GRIA3: variants seen among roughly 807,000 people sequenced by gnomAD.
GRIA3 encodes glutamate ionotropic receptor AMPA type subunit 3.
A neutral mutation model predicts 63.0 loss-of-function variants in GRIA3; 3 were observed. That is an observed-to-expected ratio of 0.05 (90% CI 0.02 to 0.12). The LOEUF is 0.12. Ranked by LOEUF, GRIA3 falls within the 10% of genes least tolerant of loss-of-function variation. GRIA3 has a pLI of 1.00. For missense variants in GRIA3, 347 were observed against 700.9 expected, an observed-to-expected ratio of 0.50 and a Z score of 5.70; for synonymous variants, 274 against 257.9, an observed-to-expected ratio of 1.06 and a Z score of -0.60.
intron 2 of GRIA3, among the ~76,000 whole-genome samples, chrX:123,234,471 A>G (rs1175730856): frequency 8.9e-6 from 1 of 112,130 alleles, no homozygotes; most frequent in African/African-American, 3.2e-5. Context: ...GCAAAGTGAT[A>G]TGTAGAGGCA....
intron 3 of GRIA3, among the ~76,000 whole-genome samples, chrX:123,270,035 T>C (rs1033963830): frequency 9.8e-5 from 11 of 112,527 alleles, no homozygotes; most frequent in Non-Finnish European, 1.9e-4. Context: ...GCAAAAAGCA[T>C]ACGTATTTTC....
At chrX:123,425,037 T>C (rs754404577) in intron 11 of GRIA3, among the ~76,000 whole-genome samples, 7 of 111,932 alleles carry the variant, frequency 6.3e-5, no homozygotes, top group Admixed American at 2.9e-4. Context: ...AACCTCATCA[T>C]TCCAAATAAA....
chrX:123,442,627 G>C (rs2045681415), intron 12 of GRIA3, among the ~76,000 whole-genome samples: 1 of 111,567 alleles, frequency 9.0e-6, no homozygotes, highest in African/African-American at 3.3e-5. Context: ...TACTCGACCA[G>C]TGTTTTCCAA....
chrX:123,232,446 G>A (rs998583433), intron 2 of GRIA3, among the ~76,000 whole-genome samples: 1 of 111,693 alleles, frequency 9.0e-6, no homozygotes, highest in Admixed American at 9.5e-5. Context: ...GGGGATAAGG[G>A]AAGAGGGAAA....
intron 2 of GRIA3, among the ~76,000 whole-genome samples, chrX:123,192,499 C>A (rs1927463939): frequency 8.9e-6 from 1 of 111,758 alleles, no homozygotes; most frequent in Non-Finnish European, 1.9e-5. Flanking sequence ...TCCCTCCATC[C>A]TTCCCTTACC....
In GRIA3 at chrX:123,253,434, G is replaced by T. The variant is rs1297105927; in HGVS notation, c.400G>T (p.Asp134Tyr). 1 of 1,211,496 alleles carries T rather than the reference G, an allele frequency of 8.3e-7. No individual in the cohort carries two copies. Among genetic ancestry groups the T allele is most frequent in the Non-Finnish European group, 1.1e-6 (1 of 895,234 alleles). The change falls in exon 3 of 16, where the codon GAT becomes TAT. Residue 134 changes from aspartate to tyrosine, a missense_variant. By Grantham distance (160) the Asp-to-Tyr change is radical. Coordinates refer to ENST00000620443, the MANE Select transcript of GRIA3 (RefSeq NM_007325.5). ...FVTPSFPTDA[D>Y]VQFVIQMRPA... ...TACGCCTAGCTTCCCCACTGACGCA[G>T]ATGTGCAGTTTGTCATCCAGATGCG...
intron 2 of GRIA3, among the ~76,000 whole-genome samples, chrX:123,200,592 CACACACACACATACAT>C (rs1248306751): frequency 1.3e-4 from 11 of 85,480 alleles, no homozygotes; most frequent in Non-Finnish European, 2.0e-4. Flanking sequence ...TATACATATA[CACACACACACATACAT>C]ACACACACAC....
chrX:123,433,335 CATT>C (rs1283838855), intron 12 of GRIA3, among the ~76,000 whole-genome samples: 4 of 111,924 alleles, frequency 3.6e-5, no homozygotes, highest in Non-Finnish European at 7.5e-5. Flanking sequence ...ATAAAACTGT[CATT>C]AGAGTATTTG....
intron 10 of GRIA3, among the ~76,000 whole-genome samples, chrX:123,408,385 T>C (rs1169354634): frequency 8.9e-6 from 1 of 111,901 alleles, no homozygotes; most frequent in Admixed American, 9.5e-5. Flanking sequence ...AGATCACTGC[T>C]CTCCTGGCAT....
At chrX:123,456,774 T>A (rs745911314) in intron 12 of GRIA3, among the ~76,000 whole-genome samples, 2 of 111,453 alleles carry the variant, frequency 1.8e-5, no homozygotes, top group South Asian at 7.7e-4. Flanking sequence ...CCTATGCATA[T>A]CCTAGTATTG....
At chrX:123,380,352 G>A (rs2045315611) in intron 5 of GRIA3, among the ~76,000 whole-genome samples, 1 of 111,912 alleles carries the variant, frequency 8.9e-6, no homozygotes, top group African/African-American at 3.3e-5. Flanking sequence ...GGTGTGAGAT[G>A]GTATCTCATT....
chrX:123,232,133 GAATTTTCACATA>G lies in GRIA3; in HGVS notation c.269-21169_269-21158del, dbSNP rs1405890431. The stretch of plus-strand genomic sequence containing the variant: ...TTTCAAGTAGAAATAAGAAGTAATG[GAATTTTCACATA>G]TGTATGCAGAAGATGACATAGCAGT... On this transcript the variant is annotated intron_variant, in intron 2 of 15. Transcript: ENST00000620443. Among the ~76,000 whole-genome samples, 4 of 111,699 alleles carry G rather than the reference GAATTTTCACATA, an allele frequency of 3.6e-5. No individual in the cohort carries two copies. The East Asian group carries it at 1.1e-3, about 32-fold the overall frequency.
In GRIA3 at chrX:123,463,749, AAAAG is replaced by A. The variant is rs1368723350; in HGVS notation, c.2077-1114_2077-1111del. ...GAGAAAGAAGAGAGAGAAAGAAAGA[AAAAG>A]AGAGAAAGAAAGAAGAGAAAGAAAG... is the stretch of plus-strand genomic sequence containing the variant. On this transcript the variant is annotated intron_variant, in intron 12 of 15. Transcript: ENST00000620443. Among the ~76,000 whole-genome samples, 5 of 101,945 alleles carry A rather than the reference AAAAG, an allele frequency of 4.9e-5. 1 individual carries two copies. Among genetic ancestry groups the A allele is most frequent in the African/African-American group, 1.7e-4 (4 of 23,269 alleles). The allele number at this position is 101,945 out of a possible 115,157, so 88.5% of individuals were successfully genotyped here.
chrX:123,380,580 T>C (rs766092763), intron 5 of GRIA3, among the ~76,000 whole-genome samples: 81 of 112,007 alleles, frequency 7.2e-4, no homozygotes, highest in South Asian at 2.3e-3. Context: ...AAAAATTTTC[T>C]CCCATTCTGT....
chrX:123,430,255 C>G (rs1476525377), intron 12 of GRIA3, among the ~76,000 whole-genome samples: 1 of 111,770 alleles, frequency 8.9e-6, no homozygotes, highest in Non-Finnish European at 1.9e-5. Flanking sequence ...TTTTGAAAAT[C>G]TGATTACACA....
At chrX:123,225,843 T>C (rs1454988530) in intron 2 of GRIA3, among the ~76,000 whole-genome samples, 1 of 111,303 alleles carries the variant, frequency 9.0e-6, no homozygotes, top group African/African-American at 3.3e-5. Flanking sequence ...CCTCTACCAA[T>C]ATAAAATTTA....
At chrX:123,217,390 C>A (rs1045616504) in intron 2 of GRIA3, among the ~76,000 whole-genome samples, 7 of 111,697 alleles carry the variant, frequency 6.3e-5, no homozygotes, top group African/African-American at 2.3e-4. Flanking sequence ...TCAGCATCAG[C>A]AAAAGAAGGA....
chrX:123,272,772 T>C (rs1603060922), intron 3 of GRIA3, among the ~76,000 whole-genome samples: 1 of 112,073 alleles, frequency 8.9e-6, no homozygotes, highest in South Asian at 3.7e-4. Flanking sequence ...CCGTTCTCTT[T>C]CCAGCACTGA....
chrX:123,376,889 C>T (rs1263098598), intron 5 of GRIA3, among the ~76,000 whole-genome samples: 1 of 108,300 alleles, frequency 9.2e-6, no homozygotes, highest in Admixed American at 9.9e-5. Flanking sequence ...ACTTTGTCTC[C>T]TAATATTCCT....
Sources: allele counts gnomAD v4.1 joint callset (sites outside exome capture counted in the v4.1 genomes callset), GRCh38; gene constraint gnomAD v4.1.1; transcripts MANE v1.5; gene names NCBI Gene and HGNC (gene_info 2026-07-23, HGNC 2026-07-21).